Variants in NT5C3B observed in about 807,000 individuals in gnomAD.
The protein encoded by NT5C3B is 7-methylguanosine phosphate-specific 5'-nucleotidase.
Under a neutral mutation model 32.5 loss-of-function variants are expected in NT5C3B, and 28 were observed. That is an observed-to-expected ratio of 0.86 (90% CI 0.64 to 1.18). NT5C3B has a LOEUF of 1.18. Among genes scored for constraint, NT5C3B ranks in the 50% most tolerant of loss-of-function variants. The pLI, the probability that NT5C3B is intolerant of heterozygous loss-of-function variation, is 0.00. For synonymous variants in NT5C3B, 138 were observed against 118.0 expected, an observed-to-expected ratio of 1.17 and a Z score of -1.10; for missense variants, 317 against 322.0, an observed-to-expected ratio of 0.98 and a Z score of 0.12.
chr17:41,826,358 G>T (rs906432678), intron 8 of NT5C3B, among the ~76,000 whole-genome samples: 1 of 152,050 alleles, frequency 6.6e-6, no homozygotes, highest in Admixed American at 6.6e-5. Flanking sequence ...TGAGTAACTA[G>T]AACTACAGGC....
At chr17:41,830,940 T>C in intron 5 of NT5C3B, 50 bp from the exon 6 acceptor site, 1 of 1,163,570 alleles carries the variant, frequency 8.6e-7, no homozygotes, top group Non-Finnish European at 1.3e-6. Context: ...CTGAAGTAAA[T>C]AACTCACCCT....
In NT5C3B at chr17:41,829,514, C is replaced by T. The variant is rs80077397; in HGVS notation, c.405-562G>A. On this transcript the variant is annotated intron_variant, in intron 6 of 8. Coordinates refer to ENST00000435506, the MANE Select transcript of NT5C3B (RefSeq NM_052935.5). Reference sequence around the variant, plus strand: ...CCTCGTGATCTCTCCCAGTCAATATCATCCCTCCCATTGATTAGCTTTGCC... The same window carrying T: ...CCTCGTGATCTCTCCCAGTCAATATTATCCCTCCCATTGATTAGCTTTGCC... Among the ~76,000 whole-genome samples, 611 of 152,356 alleles carry T rather than the reference C, an allele frequency of 4.0e-3. 11 individuals carry two copies. The highest frequency in any genetic ancestry group is 0.017 in the East Asian group (87 of 5,182).
chr17:41,825,415 C>T lies in NT5C3B; in HGVS notation c.*108G>A. On this transcript the variant is annotated 3_prime_UTR_variant, in exon 9 of 9. Transcript: ENST00000435506. ...GAGGACGGAGGGGCGCGGAAGGACC[C>T]AGCCACTGCTGGCCACCCTGGCCTC... 1 of 716,098 alleles carries T rather than the reference C, an allele frequency of 1.4e-6. No individual in the cohort carries two copies. The highest frequency in any genetic ancestry group is 2.3e-6 in the Non-Finnish European group (1 of 426,322). 44.4% of individuals were successfully genotyped at this position (716,098 alleles called of 1,614,324 possible). A position where few individuals can be genotyped will look rare whatever the true frequency, so the allele number is the denominator to read the frequency against.
chr17:41,829,242 G>T (rs1275130445), intron 6 of NT5C3B, among the ~76,000 whole-genome samples: 5 of 152,038 alleles, frequency 3.3e-5, no homozygotes, highest in African/African-American at 1.2e-4. Context: ...GGCTGGTCTT[G>T]AACTCCTATG....
intron 6 of NT5C3B, 143 bp downstream of exon 6, chr17:41,830,658 G>T (rs1024059946): frequency 1.5e-6 from 1 of 645,250 alleles, no homozygotes; most frequent in East Asian, 2.7e-5. Flanking sequence ...TGCTTTAGCT[G>T]TATCACATCA....
chr17:41,829,897 CCAGGAAG>C (rs2048024159), intron 6 of NT5C3B, among the ~76,000 whole-genome samples: 1 of 152,084 alleles, frequency 6.6e-6, no homozygotes, highest in Admixed American at 6.6e-5. Flanking sequence ...GTCCATACAA[CCAGGAAG>C]CTAACCTGGG....
At chr17:41,830,492 A>T (rs1555618864) in intron 6 of NT5C3B, among the ~76,000 whole-genome samples, 1 of 152,148 alleles carries the variant, frequency 6.6e-6, no homozygotes, top group African/African-American at 2.4e-5. Flanking sequence ...CTGGCGACAG[A>T]GCGAGATTCT....
chr17:41,826,799 G>A (rs1336964743), intron 8 of NT5C3B, among the ~76,000 whole-genome samples: 3 of 151,960 alleles, frequency 2.0e-5, no homozygotes, highest in Admixed American at 6.5e-5. Context: ...TCGGGAGTTC[G>A]AGACCAGCGT....
chr17:41,834,093 A>C (rs1394112395), intron 4 of NT5C3B, among the ~76,000 whole-genome samples: 22 of 152,158 alleles, frequency 1.4e-4, no homozygotes, highest in Admixed American at 1.2e-3. Context: ...TTTTGGAGTG[A>C]GAACCTTTCT....
intron 4 of NT5C3B, among the ~76,000 whole-genome samples, chr17:41,834,605 A>G (rs1056246657): frequency 2.6e-5 from 4 of 152,064 alleles, no homozygotes; most frequent in Non-Finnish European, 5.9e-5. Context: ...AAAATTAGCT[A>G]GGTGTAATGT....
rs200536012 is a variant in NT5C3B at position 41,826,009 on chromosome 17, G to T, written c.769-352C>A. ...CAAAAGCCCATCTCTACAAAAATTGGCCGGGCATGGGGGTGGGTGCCTGTA... is the reference window on the plus strand; with the variant it reads ...CAAAAGCCCATCTCTACAAAAATTGTCCGGGCATGGGGGTGGGTGCCTGTA... On this transcript the variant is annotated intron_variant, in intron 8 of 8. Coordinates refer to ENST00000435506, the MANE Select transcript of NT5C3B (RefSeq NM_052935.5). Among the ~76,000 whole-genome samples, 6 of 152,082 alleles carry T rather than the reference G, an allele frequency of 3.9e-5. No individual in the cohort carries two copies. The East Asian group carries it at 1.2e-3, about 30-fold the overall frequency.
At chr17:41,828,669 G>A (rs782314027) in intron 7 of NT5C3B, 121 bp downstream of exon 7, 6 of 924,784 alleles carry the variant, frequency 6.5e-6, no homozygotes, top group Non-Finnish European at 1.0e-5. Context: ...GCCTGAGGGT[G>A]AAGAAGCTAG....
intron 2 of NT5C3B, 56 bp from the exon 3 acceptor site, chr17:41,835,328 CT>C: frequency 2.1e-6 from 3 of 1,428,838 alleles, no homozygotes; most frequent in Non-Finnish European, 3.0e-6. Flanking sequence ...TAGTGTGGCC[CT>C]GCCTCAGCCT....
rs540491027 is a variant in NT5C3B at position 41,825,647 on chromosome 17, C to T, written c.779G>A (p.Arg260Gln). 2.5e-5 allele frequency: 22 copies of T among 872,822 alleles called. No individual in the cohort carries two copies. The highest frequency in any genetic ancestry group is 2.3e-4 in the African/African-American group (14 of 61,472). The allele number at this position is 872,822 out of a possible 1,614,324, so 54.1% of individuals were successfully genotyped here. Reference protein sequence around the residue: ...IGFLNDKVEERRERYMDSYDI... With the variant: ...IGFLNDKVEEQRERYMDSYDI... Reference sequence around the variant, plus strand: ...ATAGGAGTCCATGTAGCGCTCCCGCCGCTCCTCCACCTGCCCGGAATGAGA... The same window carrying T: ...ATAGGAGTCCATGTAGCGCTCCCGCTGCTCCTCCACCTGCCCGGAATGAGA... Residue 260 changes from arginine (R) to glutamine (Q), a missense_variant, in exon 9 of 9, where the codon CGG (arginine) becomes CAG (glutamine). By Grantham distance (43) the Arg-to-Gln change is conservative (BLOSUM62 1). Transcript: ENST00000435506.
In NT5C3B at chr17:41,835,865, C is replaced by T; in HGVS notation, c.105G>A (p.Arg35=). The T allele has an allele frequency of 6.2e-7, 1 of 1,608,248 alleles. No homozygotes were observed. Among genetic ancestry groups the T allele is most frequent in the Non-Finnish European group, 8.5e-7 (1 of 1,178,350 alleles). ...CCGCACGCCCCAGAGGTACCTGTAA[C>T]CGGTCTCCGCCGCCCTTGCGGAGGG... ...VGALRKGGGD[R]LQVISDFDMT... The change falls in exon 2 of 9, where the codon CGG becomes CGA. Residue 35 remains arginine, a synonymous_variant. Transcript: ENST00000435506.
At chr17:41,829,185 CT>C (rs1377096474) in intron 6 of NT5C3B, among the ~76,000 whole-genome samples, 1 of 152,018 alleles carries the variant, frequency 6.6e-6, no homozygotes, top group Non-Finnish European at 1.5e-5. Context: ...CCACACCTGG[CT>C]AATTTTTTTA....
chr17:41,833,392 C>A (rs927943759), intron 4 of NT5C3B, among the ~76,000 whole-genome samples: 11 of 152,056 alleles, frequency 7.2e-5, no homozygotes, highest in Non-Finnish European at 1.6e-4. Context: ...TCTCGGCTCA[C>A]TGCAACCTCC....
chr17:41,829,667 C>A (rs1345299758), intron 6 of NT5C3B, among the ~76,000 whole-genome samples: 1 of 152,208 alleles, frequency 6.6e-6, no homozygotes, highest in African/African-American at 2.4e-5. Flanking sequence ...TTTGTCACTG[C>A]AATGCAGCAT....
chr17:41,831,109 G>A (rs4796713), intron 5 of NT5C3B, among the ~76,000 whole-genome samples: 116,015 of 151,938 alleles, frequency 0.76, 44,549 homozygotes, highest in Admixed American at 0.84. Context: ...ACCTGAGATC[G>A]GGAGTTTGAG....
Sources: allele counts gnomAD v4.1 joint callset (sites outside exome capture counted in the v4.1 genomes callset), GRCh38; gene constraint gnomAD v4.1.1; transcripts MANE v1.5; gene names NCBI Gene and HGNC (gene_info 2026-07-23, HGNC 2026-07-21).